Variants in GLYATL3 observed in about 807,000 individuals in gnomAD.
GLYATL3 encodes the protein glycine N-acyltransferase-like protein 3.
GLYATL3 carries 31 observed loss-of-function variants against 28.5 expected under a neutral mutation model. That is an observed-to-expected ratio of 1.09 (90% CI 0.82 to 1.47). The LOEUF is 1.47. Among genes scored for constraint, GLYATL3 ranks in the 40% most tolerant of loss-of-function variants. The pLI is 0.00. For synonymous variants in GLYATL3, 141 were observed against 140.2 expected (o/e 1.01, Z -0.04); for missense variants, 369 against 351.5 (o/e 1.05, Z -0.40).
In GLYATL3 at chr6:49,515,633, C is replaced by T. The variant is rs1027981411; in HGVS notation, c.79-20C>T. The T allele has an allele frequency of 2.1e-6, 3 of 1,413,266 alleles. No homozygotes were observed. The highest frequency in any genetic ancestry group is 2.8e-5 in the African/African-American group (2 of 70,262). The allele number at this position is 1,413,266 out of a possible 1,614,324, so 87.5% of individuals were successfully genotyped here. A position where few individuals can be genotyped will look rare whatever the true frequency, so the allele number is the denominator to read the frequency against. ...ACAGCTAATAGTATGATTGGCTTGT[C>T]TCTGGGTTATCTGACTCAGGTTTAC... On this transcript the variant is annotated intron_variant, in intron 2 of 5. Transcript: ENST00000371197.
chr6:49,508,998 A>G (rs1319963825), intron 1 of GLYATL3, among the ~76,000 whole-genome samples: 1 of 103,630 alleles, frequency 9.6e-6, no homozygotes, highest in East Asian at 2.3e-4. Context: ...ATAATAAATT[A>G]ATAATAAATA....
intron 5 of GLYATL3, among the ~76,000 whole-genome samples, chr6:49,522,165 T>C (rs144010099): frequency 7.2e-5 from 11 of 152,254 alleles, no homozygotes; most frequent in Middle Eastern, 3.4e-3. Flanking sequence ...AGCTGACTTA[T>C]GTTGCGCTCT....
intron 4 of GLYATL3, among the ~76,000 whole-genome samples, chr6:49,518,938 C>T (rs1358782134): frequency 2.1e-5 from 3 of 139,694 alleles, no homozygotes; most frequent in Non-Finnish European, 5.0e-5. Context: ...GAGACTCCAT[C>T]TCAAAAAAAA....
chr6:49,522,904 T>C (rs1769341540), intron 5 of GLYATL3, among the ~76,000 whole-genome samples: 1 of 152,170 alleles, frequency 6.6e-6, no homozygotes, highest in East Asian at 1.9e-4. Flanking sequence ...TATATATTCT[T>C]TCCACTTCCT....
rs9367358 is a variant in GLYATL3, at chr6:49,517,553, C to A, written c.310C>A (p.Gln104Lys). ...VFNWDQVFQIQGLQSELYDVS... is the reference protein window; with the variant it reads ...VFNWDQVFQIKGLQSELYDVS... ...TAACTGGGACCAAGTTTTTCAAATA[C>A]AAGGTGAGGTCAAGTGCAAGACTTA... The change falls in exon 4 of 6, where the codon CAA becomes AAA. Residue 104 changes from glutamine to lysine, a missense_variant. By Grantham distance (53) the Gln-to-Lys change is moderately conservative. Transcript: ENST00000371197. The A allele has an allele frequency of 0.2, 308,524 of 1,546,796 alleles. 37,698 individuals are homozygous for A. Among genetic ancestry groups the A allele is most frequent in the East Asian group, 0.53 (21,543 of 40,688 alleles).
intron 1 of GLYATL3, among the ~76,000 whole-genome samples, chr6:49,500,863 A>G (rs2127430299): frequency 6.6e-6 from 1 of 152,304 alleles, no homozygotes; most frequent in East Asian, 1.9e-4. Flanking sequence ...TTTCTGCATC[A>G]ATGAGAATTT....
At chr6:49,526,349 GT>G in intron 5 of GLYATL3, 138 bp from the exon 6 acceptor site, 1 of 665,072 alleles carries the variant, frequency 1.5e-6, no homozygotes, top group Non-Finnish European at 2.6e-6. Flanking sequence ...GGAGGCAGAG[GT>G]TGCAGTGAGC....
chr6:49,511,941 C>G, intron 1 of GLYATL3, 22 bp from the exon 2 acceptor site: 1 of 879,636 alleles, frequency 1.1e-6, no homozygotes, highest in Non-Finnish European at 1.8e-6. Flanking sequence ...AATTAAATGC[C>G]TACCTTCAAG....
intron 3 of GLYATL3, among the ~76,000 whole-genome samples, 188 bp downstream of exon 3, chr6:49,515,948 C>CCT (rs1424352805): frequency 2.6e-3 from 354 of 135,824 alleles, no homozygotes; most frequent in Admixed American, 6.5e-3. Flanking sequence ...TCTCTCCCTC[C>CCT]CTCTCTCTCT....
intron 3 of GLYATL3, 25 bp downstream of exon 3, chr6:49,515,785 T>C: frequency 7.5e-7 from 1 of 1,330,096 alleles, no homozygotes; most frequent in Non-Finnish European, 1.1e-6. Flanking sequence ...GGTAAAAAGT[T>C]TAAAAATAAT....
chr6:49,515,872 C>A, intron 3 of GLYATL3, 112 bp downstream of exon 3: 1 of 574,986 alleles, frequency 1.7e-6, no homozygotes, highest in South Asian at 2.1e-5. Context: ...AACACTGTTT[C>A]ACCATTCATT....
intron 1 of GLYATL3, among the ~76,000 whole-genome samples, chr6:49,506,973 A>G (rs1581865722): frequency 6.6e-6 from 1 of 152,274 alleles, no homozygotes; most frequent in African/African-American, 2.4e-5. Context: ...GATGATGGGA[A>G]TGAGAAACAT....
At chr6:49,522,624 G>A (rs998665400) in intron 5 of GLYATL3, among the ~76,000 whole-genome samples, 2 of 152,036 alleles carry the variant, frequency 1.3e-5, no homozygotes, top group Non-Finnish European at 2.9e-5. Context: ...TTCCTGACAC[G>A]TTGTTTTGCA....
Position 49,523,867 on chromosome 6 carries a change from G to T in GLYATL3, c.440+2096G>T, listed in dbSNP as rs1769357354. On this transcript the variant is annotated intron_variant, in intron 5 of 5. Transcript: ENST00000371197. ...TTCTGTTGAAGAAACCAAGTTATTT[G>T]TTCTTTGAAGTATCCCATAATCTGT... Among the ~76,000 whole-genome samples the T allele has an allele frequency of 2.0e-5, 3 of 152,012 alleles. No individual in the cohort carries two copies. In the South Asian group the frequency reaches 6.2e-4, roughly 32 times the overall value.
intron 3 of GLYATL3, 83 bp from the exon 4 acceptor site, chr6:49,517,347 C>A: frequency 1.7e-6 from 2 of 1,192,312 alleles, no homozygotes; most frequent in Non-Finnish European, 2.2e-6. Context: ...TAGACATGTC[C>A]AGCTAACGGT....
At chr6:49,525,259 C>T (rs974301837) in intron 5 of GLYATL3, among the ~76,000 whole-genome samples, 1 of 151,372 alleles carries the variant, frequency 6.6e-6, no homozygotes, top group Non-Finnish European at 1.5e-5. Flanking sequence ...AAACTTTAGA[C>T]AGATTAAATT....
chr6:49,514,735 G>C (rs1769182898), intron 2 of GLYATL3, among the ~76,000 whole-genome samples: 1 of 152,022 alleles, frequency 6.6e-6, no homozygotes, highest in Non-Finnish European at 1.5e-5. Flanking sequence ...CAGGAGGCTG[G>C]GGTGGGAGAA....
At chr6:49,513,183 C>T (rs1039644050) in intron 2 of GLYATL3, among the ~76,000 whole-genome samples, 1 of 152,162 alleles carries the variant, frequency 6.6e-6, no homozygotes, top group South Asian at 2.1e-4. Context: ...AATACAGTTT[C>T]ATTTATTTAA....
chr6:49,501,270 G>C (rs1768908511), intron 1 of GLYATL3, among the ~76,000 whole-genome samples: 1 of 152,138 alleles, frequency 6.6e-6, no homozygotes, highest in East Asian at 1.9e-4. Context: ...CCAGGCGTTG[G>C]TGGTGTGTAT....
Sources: gnomAD v4.1 joint callset for allele counts (sites outside exome capture counted in the v4.1 genomes callset) on GRCh38, gnomAD v4.1.1 for gene constraint, MANE v1.5 for transcripts, NCBI Gene and HGNC (gene_info 2026-07-23, HGNC 2026-07-21) for gene names.